PUM1: variants seen among roughly 807,000 people sequenced by gnomAD.
The protein encoded by PUM1 is pumilio RNA binding family member 1.
Under a neutral mutation model 131.8 loss-of-function variants are expected in PUM1, and 13 were observed. That is an observed-to-expected ratio of 0.10 (90% CI 0.06 to 0.16). PUM1 has a LOEUF of 0.16. Ranked by LOEUF, PUM1 falls within the 10% of genes least tolerant of loss-of-function variation. The probability of loss-of-function intolerance (pLI) is 1.00; values close to 1 mark genes in which losing one functional copy is unlikely to be tolerated. For synonymous variants in PUM1, 509 were observed against 556.5 expected (o/e 0.91, Z 1.20); for missense variants, 961 against 1,512.4 (o/e 0.64, Z 6.05).
intron 2 of PUM1, among the ~76,000 whole-genome samples, chr1:31,034,743 A>C (rs142447824): frequency 6.6e-6 from 1 of 152,346 alleles, no homozygotes; most frequent in Non-Finnish European, 1.5e-5. Context: ...TGCCTTTGCT[A>C]GATTATTTCC....
intron 9 of PUM1, among the ~76,000 whole-genome samples, chr1:30,979,468 T>C (rs896557553): frequency 5.9e-5 from 9 of 152,134 alleles, no homozygotes; most frequent in Non-Finnish European, 1.5e-5. Context: ...CCCACAGAAT[T>C]ATCTGGAAGC....
chr1:31,039,041 G>GGCTGGAAT (rs1156914522), intron 2 of PUM1, among the ~76,000 whole-genome samples: 1 of 131,890 alleles, frequency 7.6e-6, no homozygotes, highest in Non-Finnish European at 1.6e-5. Context: ...CTGTCACCCA[G>GGCTGGAAT]GCTGGAATGC....
intron 5 of PUM1, among the ~76,000 whole-genome samples, chr1:31,003,323 G>A (rs190586775): frequency 1.3e-5 from 2 of 152,148 alleles, no homozygotes; most frequent in Non-Finnish European, 2.9e-5. Flanking sequence ...CTTTCCTCAA[G>A]AAGATGTATG....
chr1:31,038,507 C>A (rs1034165252), intron 2 of PUM1, among the ~76,000 whole-genome samples: 14 of 152,104 alleles, frequency 9.2e-5, no homozygotes, highest in African/African-American at 3.4e-4. Context: ...GGTGATTTGT[C>A]TTATCTCCCT....
chr1:30,952,334 G>A lies in PUM1; in HGVS notation c.2621C>T (p.Thr874Ile), dbSNP rs1337193104. The change falls in exon 16 of 22, where the codon ACA (threonine) becomes ATA (isoleucine). Residue 874 changes from threonine (T) to isoleucine (I), a missense_variant. Physicochemically the swap from Thr to Ile is moderately conservative, Grantham distance 89. Transcript: ENST00000426105. ...GAAGACAAGCTGGCGCTCAGCTGGT[G>A]TGGCACGCTCCAGTTTCAGCTGAAT... is the stretch of plus-strand genomic sequence containing the variant. ...RFIQLKLERA[T>I]PAERQLVFNE... is the part of the protein sequence containing the mutation. The A allele has an allele frequency of 6.2e-7, 1 of 1,613,400 alleles. No homozygotes were observed. Among genetic ancestry groups the A allele is most frequent in the Admixed American group, 1.7e-5 (1 of 60,024 alleles).
chr1:30,985,058 C>T (rs904791034), intron 7 of PUM1, among the ~76,000 whole-genome samples: 4 of 152,186 alleles, frequency 2.6e-5, no homozygotes, highest in Admixed American at 1.3e-4. Context: ...TATCTCAGCT[C>T]ACCAGTGACT....
rs565861799 is a variant in PUM1 at position 31,020,839 on chromosome 1, T to G, written c.432+7957A>C. Among the ~76,000 whole-genome samples, 3 of 152,326 alleles carry G rather than the reference T, an allele frequency of 2.0e-5. No individual in the cohort carries two copies. In the East Asian group the frequency reaches 5.8e-4, roughly 29 times the overall value. On this transcript the variant is annotated intron_variant, in intron 3 of 21. Transcript: ENST00000426105. Reference sequence around the variant, plus strand: ...ACTTTTGCTACATGCTTCACCTCAATGAGAACCACATCATGCACCAATTAA... The same window carrying G: ...ACTTTTGCTACATGCTTCACCTCAAGGAGAACCACATCATGCACCAATTAA...
chr1:30,945,233 C>CA (rs984028881), intron 18 of PUM1, 113 bp downstream of exon 18: 78 of 1,258,022 alleles, frequency 6.2e-5, no homozygotes, highest in African/African-American at 1.5e-4. Context: ...GATCCAGTCT[C>CA]AAAAAAAATA....
rs1256771293 is a variant in PUM1 at position 30,955,484 on chromosome 1, CCAAAA to C, written c.2324-1508_2324-1504del. The stretch of plus-strand genomic sequence containing the variant: ...CATCTGAAAAAAAAAAAAAACCAAA[CCAAAA>C]CAAAACAAAACAAAAAACAGTTCTT... On this transcript the variant is annotated intron_variant, in intron 14 of 21. Coordinates refer to ENST00000426105, the MANE Select transcript of PUM1 (RefSeq NM_001020658.2). Among the ~76,000 whole-genome samples, 3 of 149,884 alleles carry C rather than the reference CCAAAA, an allele frequency of 2.0e-5. No individual in the cohort carries two copies. In the East Asian group the frequency reaches 5.9e-4, roughly 29 times the overall value.
chr1:31,058,455 T>C (rs1207830927), intron 2 of PUM1, among the ~76,000 whole-genome samples: 1 of 145,308 alleles, frequency 6.9e-6, no homozygotes, highest in Non-Finnish European at 1.5e-5. Context: ...GGTCAGGAGA[T>C]AGAGACCATC....
At chr1:31,048,436 C>A (rs1205056927) in intron 2 of PUM1, among the ~76,000 whole-genome samples, 1 of 151,256 alleles carries the variant, frequency 6.6e-6, no homozygotes, top group East Asian at 1.9e-4. Context: ...CCAGGACCAT[C>A]AAGGTAAATT....
intron 2 of PUM1, among the ~76,000 whole-genome samples, chr1:31,056,775 T>C (rs1357252745): frequency 5.3e-5 from 8 of 151,700 alleles, no homozygotes; most frequent in African/African-American, 9.7e-5. Flanking sequence ...CACAGGCATG[T>C]GCCCCCACGC....
chr1:31,008,993 G>A (rs568903588), intron 3 of PUM1, among the ~76,000 whole-genome samples: 21 of 143,974 alleles, frequency 1.5e-4, no homozygotes, highest in South Asian at 2.2e-4. Context: ...CTAACACAGC[G>A]AAACCCTGTC....
At chr1:31,057,139 C>T (rs573052073) in intron 2 of PUM1, among the ~76,000 whole-genome samples, 10 of 152,238 alleles carry the variant, frequency 6.6e-5, no homozygotes, top group Non-Finnish European at 1.5e-4. Context: ...TGCAGTAGCT[C>T]ACACTTGCAA....
At position 31,038,958 on chromosome 1, in the gene PUM1, T is replaced by TATATATATATATATATATATATATA. The variant is rs1553152630; in HGVS notation, c.364-10095_364-10094insTATATATATATATATATATATATAT. Among the ~76,000 whole-genome samples the TATATATATATATATATATATATATA allele has an allele frequency of 2.3e-4, 10 of 43,946 alleles. 1 individual carries two copies. The highest frequency in any genetic ancestry group is 6.9e-4 in the African/African-American group (4 of 5,784). 28.8% of individuals were successfully genotyped at this position (43,946 alleles called of 152,430 possible). On this transcript the variant is annotated intron_variant, in intron 2 of 21. Coordinates refer to ENST00000426105, the MANE Select transcript of PUM1 (RefSeq NM_001020658.2). ...TAGCCATTTAAAATGTTTTAAAATTTTATATATATATATATATATATATAT... is the reference window on the plus strand; with the variant it reads ...TAGCCATTTAAAATGTTTTAAAATTTATATATATATATATATATATATATATATATATATATATATATATATATAT...
chr1:30,960,220 G>C (rs1019215459), intron 14 of PUM1, among the ~76,000 whole-genome samples: 2 of 152,168 alleles, frequency 1.3e-5, no homozygotes, highest in African/African-American at 4.8e-5. Flanking sequence ...TTTGGAATAC[G>C]TGAATTATAT....
rs5773333 is a variant in PUM1, at chr1:31,028,419, C to CGG, written c.432+375_432+376dup. ...AATCTAAGACTCCCTTTGCCATTGG[C>CGG]GGGGGGGGTGGGTTGGGGGAAAACC... On this transcript the variant is annotated intron_variant, in intron 3 of 21. Transcript: ENST00000426105. Among the ~76,000 whole-genome samples, 119 of 116,604 alleles carry CGG rather than the reference C, an allele frequency of 1.0e-3. 1 individual carries two copies. The highest frequency in any genetic ancestry group is 3.3e-3 in the Admixed American group (36 of 10,790). The allele number at this position is 116,604 out of a possible 152,430, so 76.5% of individuals were successfully genotyped here. A position where few individuals can be genotyped will look rare whatever the true frequency, so the allele number is the denominator to read the frequency against.
chr1:31,040,692 G>A lies in PUM1; in HGVS notation c.364-11828C>T, dbSNP rs541435402. 2.6e-5 allele frequency among the ~76,000 whole-genome samples: 4 copies of A among 152,142 alleles called. No individual in the cohort carries two copies. In the South Asian group the frequency reaches 6.2e-4, roughly 24 times the overall value. Reference sequence around the variant, plus strand: ...ACACAAGGGGGAAGGGACTGCTTGAGGCCAGGAGTTCAAGTCCAGCCTGGG... The same window carrying A: ...ACACAAGGGGGAAGGGACTGCTTGAAGCCAGGAGTTCAAGTCCAGCCTGGG... On this transcript the variant is annotated intron_variant, in intron 2 of 21. Coordinates refer to ENST00000426105, the MANE Select transcript of PUM1 (RefSeq NM_001020658.2).
rs150722736 is a variant in PUM1 at position 30,993,647 on chromosome 1, C to T, written c.888-987G>A. Among the ~76,000 whole-genome samples, 452 of 152,218 alleles carry T rather than the reference C, an allele frequency of 3.0e-3. 4 individuals carry two copies. The highest frequency in any genetic ancestry group is 0.01 in the African/African-American group (431 of 41,530). On this transcript the variant is annotated intron_variant, in intron 6 of 21. Coordinates refer to ENST00000426105, the MANE Select transcript of PUM1 (RefSeq NM_001020658.2). Reference sequence around the variant, plus strand: ...ACTCACACACTCACCACCACCACCACCAGCCCCCATTTAAATACAACAAAA... The same window carrying T: ...ACTCACACACTCACCACCACCACCATCAGCCCCCATTTAAATACAACAAAA...
Sources: gnomAD v4.1 joint callset for allele counts (sites outside exome capture counted in the v4.1 genomes callset) on GRCh38, gnomAD v4.1.1 for gene constraint, MANE v1.5 for transcripts, NCBI Gene and HGNC (gene_info 2026-07-23, HGNC 2026-07-21) for gene names.